RIMKLA: variants seen among roughly 807,000 people sequenced by gnomAD.
RIMKLA encodes the protein ribosomal modification protein rimK like family member A.
In RIMKLA, 14 loss-of-function variants were observed where a neutral mutation model predicts 32.7. The ratio of observed to expected loss-of-function variants is 0.43; its 90% CI spans 0.28 to 0.67. The LOEUF (loss-of-function observed/expected upper bound fraction) is 0.67, where lower values mean the gene tolerates loss of function less well. Ranked by LOEUF, RIMKLA falls within the 30% of genes least tolerant of loss-of-function variation. RIMKLA has a pLI of 0.18. For synonymous variants in RIMKLA, 176 were observed against 204.1 expected, an observed-to-expected ratio of 0.86 and a Z score of 1.18; for missense variants, 410 against 519.0, an observed-to-expected ratio of 0.79 and a Z score of 2.04.
In RIMKLA at chr1:42,415,038, A is replaced by G; in HGVS notation, c.*64A>G. The G allele has an allele frequency of 6.8e-7, 1 of 1,476,688 alleles. No individual in the cohort carries two copies. Among genetic ancestry groups the G allele is most frequent in the Admixed American group, 2.1e-5 (1 of 47,816 alleles). The allele number at this position is 1,476,688 out of a possible 1,614,324, so 91.5% of individuals were successfully genotyped here. ...GCTTCCCTAGTAGTTTTGAGTGAAT[A>G]AAATCTGGACTAATGTGATTTCATT... On this transcript the variant is annotated 3_prime_UTR_variant, in exon 5 of 5. Transcript: ENST00000431473.
In RIMKLA at chr1:42,404,687, G is replaced by T. The variant is rs1490050208; in HGVS notation, c.481+90G>T. The T allele has an allele frequency of 5.1e-6, 4 of 789,812 alleles. No individual in the cohort carries two copies. The African/African-American group carries it at 5.2e-5, about 10-fold the overall frequency. 48.9% of individuals were successfully genotyped at this position (789,812 alleles called of 1,614,324 possible). On this transcript the variant is annotated intron_variant, in intron 3 of 4. Transcript: ENST00000431473. ...CAAGACACTCCTCAAGTGCTGCTTA[G>T]AAAAATGGAGCTCCCCTTTGAGGAG...
rs189816987 is a variant in RIMKLA at position 42,415,667 on chromosome 1, C to T, written c.*693C>T. 8.5e-5 allele frequency: 13 copies of T among 152,348 alleles called. No individual in the cohort carries two copies. The highest frequency in any genetic ancestry group is 1.9e-4 in the East Asian group (1 of 5,190). 9.4% of individuals were successfully genotyped at this position (152,348 alleles called of 1,614,324 possible). ...AATTTATAGACCCTGCTTCAACTAACGTCAGCTCTAGCAGCTTCTTGCACC... is the reference window on the plus strand; with the variant it reads ...AATTTATAGACCCTGCTTCAACTAATGTCAGCTCTAGCAGCTTCTTGCACC... On this transcript the variant is annotated 3_prime_UTR_variant, in exon 5 of 5. Coordinates refer to ENST00000431473, the MANE Select transcript of RIMKLA (RefSeq NM_173642.4).
chr1:42,405,689 G>C (rs1643138071), intron 3 of RIMKLA, among the ~76,000 whole-genome samples: 1 of 152,210 alleles, frequency 6.6e-6, no homozygotes, highest in African/African-American at 2.4e-5. Flanking sequence ...CCCAGTCACT[G>C]ATCTCGAGGC....
At position 42,381,051 on chromosome 1, in the gene RIMKLA, G is replaced by A. The variant is rs1219484155; in HGVS notation, c.117G>A (p.Ala39=). ...RCSEQDVRFR[A]VLMDQIAVTI... ...CCGAGCAGGACGTGCGCTTCCGGGC[G>A]GTGCTTATGGACCAGATCGCCGTCA... The change falls in exon 1 of 5, where the codon GCG becomes GCA. Residue 39 remains alanine (A), a synonymous_variant. Transcript: ENST00000431473. 14 of 1,325,002 alleles carry A rather than the reference G, an allele frequency of 1.1e-5. No individual in the cohort carries two copies. The highest frequency in any genetic ancestry group is 1.3e-5 in the Non-Finnish European group (13 of 1,034,546). The allele number at this position is 1,325,002 out of a possible 1,614,324, so 82.1% of individuals were successfully genotyped here. A position where few individuals can be genotyped will look rare whatever the true frequency, so the allele number is the denominator to read the frequency against.
At chr1:42,383,092 G>C (rs1010465097) in intron 1 of RIMKLA, among the ~76,000 whole-genome samples, 1 of 151,008 alleles carries the variant, frequency 6.6e-6, no homozygotes, top group Non-Finnish European at 1.5e-5. Context: ...CACCATGTTG[G>C]TCAGGCTGGT....
chr1:42,385,721 TTCTTTC>T (rs1570313495), intron 1 of RIMKLA, among the ~76,000 whole-genome samples: 1 of 23,598 alleles, frequency 4.2e-5, no homozygotes, highest in East Asian at 8.8e-4. Context: ...TTCCTTCTCT[TTCTTTC>T]TTTCTTTCTT....
chr1:42,409,091 A>G (rs1643173854), intron 3 of RIMKLA, among the ~76,000 whole-genome samples: 1 of 149,816 alleles, frequency 6.7e-6, no homozygotes, highest in Non-Finnish European at 1.5e-5. Context: ...AATCCCAGCT[A>G]CTCCAGAGGC....
At position 42,423,702 on chromosome 1, in the gene RIMKLA, AG is replaced by A. The variant is rs969553170; in HGVS notation, c.*8729del. On this transcript the variant is annotated 3_prime_UTR_variant, in exon 5 of 5. Coordinates refer to ENST00000431473, the MANE Select transcript of RIMKLA (RefSeq NM_173642.4). ...TGACACTTCCCCTTCTACTTCCCAG[AG>A]TTACATGGTGTCCCTCTAGGACTCT... 2.0e-5 allele frequency among the ~76,000 whole-genome samples: 3 copies of A among 152,080 alleles called. No individual in the cohort carries two copies. Among genetic ancestry groups the A allele is most frequent in the Non-Finnish European group, 4.4e-5 (3 of 68,020 alleles).
chr1:42,383,857 G>T (rs1178656721), intron 1 of RIMKLA, among the ~76,000 whole-genome samples: 1 of 152,176 alleles, frequency 6.6e-6, no homozygotes, highest in Non-Finnish European at 1.5e-5. Context: ...CTTCCTTTAG[G>T]ATGTCTGCAG....
In RIMKLA at chr1:42,419,080, A is replaced by T. The variant is rs1276229385; in HGVS notation, c.*4106A>T. On this transcript the variant is annotated 3_prime_UTR_variant, in exon 5 of 5. Coordinates refer to ENST00000431473, the MANE Select transcript of RIMKLA (RefSeq NM_173642.4). ...CCTCTGAGACTCAAGATCAGGACAG[A>T]TTGTTACTTTAAAATGTTACCTGGA... The T allele has an allele frequency of 2.0e-5, 3 of 152,330 alleles. No individual in the cohort carries two copies. The East Asian group carries it at 5.8e-4, about 29-fold the overall frequency. 9.4% of individuals were successfully genotyped at this position (152,330 alleles called of 1,614,324 possible). A position where few individuals can be genotyped will look rare whatever the true frequency, so the allele number is the denominator to read the frequency against.
In RIMKLA at chr1:42,424,169, A is replaced by C. The variant is rs921026302; in HGVS notation, c.*9195A>C. Among the ~76,000 whole-genome samples, 1 of 152,240 alleles carries C rather than the reference A, an allele frequency of 6.6e-6. No individual in the cohort carries two copies. Among genetic ancestry groups the C allele is most frequent in the African/African-American group, 2.4e-5 (1 of 41,458 alleles). On this transcript the variant is annotated 3_prime_UTR_variant, in exon 5 of 5. Transcript: ENST00000431473. ...CCTCATTTTGGTGATTGTTCTAATA[A>C]GAATACGTAAGAATGTGTCCTTGTT...
chr1:42,414,833 G>T lies in RIMKLA; in HGVS notation c.1035G>T (p.Gly345=), dbSNP rs1643231890. ...AGAGCGTCTATACCATCAACAGTGG[G>T]TCTACCTCTAGTGAAAGTGAGCCTG... is the stretch of plus-strand genomic sequence containing the variant. The part of the protein sequence containing the change: ...VAESVYTINS[G]STSSESEPEL... The change falls in exon 5 of 5, where the codon GGG becomes GGT. Residue 345 remains glycine (G), a synonymous_variant. Transcript: ENST00000431473. 1 of 1,614,072 alleles carries T rather than the reference G, an allele frequency of 6.2e-7. No homozygotes were observed. The highest frequency in any genetic ancestry group is 1.3e-5 in the African/African-American group (1 of 74,912).
chr1:42,408,056 C>A (rs1643162911), intron 3 of RIMKLA, among the ~76,000 whole-genome samples: 1 of 152,172 alleles, frequency 6.6e-6, no homozygotes, highest in African/African-American at 2.4e-5. Flanking sequence ...TGAATCCCAG[C>A]CATCTGTTGC....
intron 2 of RIMKLA, among the ~76,000 whole-genome samples, chr1:42,400,982 C>T (rs1348826283): frequency 1.3e-5 from 2 of 151,824 alleles, no homozygotes; most frequent in African/African-American, 2.4e-5. Flanking sequence ...GGAATCCTTT[C>T]GGGCAGTGGT....
intron 1 of RIMKLA, among the ~76,000 whole-genome samples, chr1:42,393,624 AAATAAAAAT>A (rs1643017622): frequency 8.1e-6 from 1 of 123,936 alleles, no homozygotes; most frequent in Non-Finnish European, 1.9e-5. Flanking sequence ...TACTTGTTAA[AAATAAAAAT>A]AACTGTTTTA....
In RIMKLA at chr1:42,421,047, GA is replaced by G; in HGVS notation, c.*6078del. 6.6e-6 allele frequency: 1 copy of G among 152,404 alleles called. No homozygotes were observed. The highest frequency in any genetic ancestry group is 1.5e-5 in the Non-Finnish European group (1 of 68,076). 9.4% of individuals were successfully genotyped at this position (152,404 alleles called of 1,614,324 possible). A position where few individuals can be genotyped will look rare whatever the true frequency, so the allele number is the denominator to read the frequency against. ...TGGCAGACAGCAGCTTTACAGCTGG[GA>G]AAAAGAGCTGCTGGGGGCAGGGCTG... On this transcript the variant is annotated 3_prime_UTR_variant, in exon 5 of 5. Transcript: ENST00000431473. The surrounding 1 kb of genome is among the most constrained non-coding windows in gnomAD (Gnocchi z 4.6).
chr1:42,395,924 T>C (rs777948615), intron 1 of RIMKLA, among the ~76,000 whole-genome samples: 3 of 152,088 alleles, frequency 2.0e-5, no homozygotes, highest in African/African-American at 4.8e-5. Context: ...GCAGGAGGCA[T>C]GTGAAGTTGC....
chr1:42,388,354 A>G (rs1642968260), intron 1 of RIMKLA, among the ~76,000 whole-genome samples: 1 of 151,886 alleles, frequency 6.6e-6, no homozygotes, highest in African/African-American at 2.4e-5. Flanking sequence ...ACAAGCACAC[A>G]CCACCACACC....
At chr1:42,390,988 G>A (rs894766984) in intron 1 of RIMKLA, among the ~76,000 whole-genome samples, 2 of 152,108 alleles carry the variant, frequency 1.3e-5, no homozygotes, top group African/African-American at 2.4e-5. Context: ...ATGAACGGAG[G>A]GACAGTGAAA....
Sources: gnomAD v4.1 joint callset for allele counts (sites outside exome capture counted in the v4.1 genomes callset) on GRCh38, gnomAD v4.1.1 for gene constraint, Gnocchi (gnomAD v3.1) non-coding constraint, MANE v1.5 for transcripts, NCBI Gene and HGNC (gene_info 2026-07-23, HGNC 2026-07-21) for gene names.